Variants in TBXAS1 observed in about 807,000 individuals in gnomAD.
TBXAS1 encodes thromboxane A synthase 1, also known as thromboxane-A synthase.
TBXAS1 carries 48 observed loss-of-function variants against 60.7 expected under a neutral mutation model. The ratio of observed to expected loss-of-function variants is 0.79; its 90% confidence interval spans 0.63 to 1.01. The LOEUF (loss-of-function observed/expected upper bound fraction) is 1.01, where lower values mean the gene tolerates loss of function less well. Ranked by LOEUF, TBXAS1 falls within the 50% of genes least tolerant of loss-of-function variation. TBXAS1 has a pLI of 0.00. For synonymous variants in TBXAS1, 287 were observed against 269.7 expected (o/e 1.06, Z -0.63); for missense variants, 685 against 686.3 (o/e 1.00, Z 0.02).
At chr7:139,920,379 C>T (rs1569513791) in intron 4 of TBXAS1, among the ~76,000 whole-genome samples, 1 of 152,194 alleles carries the variant, frequency 6.6e-6, no homozygotes, top group Non-Finnish European at 1.5e-5. Context: ...TCACCTTCTC[C>T]TTCCTGCCTC....
At chr7:139,823,284 G>A (rs1295534894) in intron 4 of TBXAS1, among the ~76,000 whole-genome samples, 4 of 152,018 alleles carry the variant, frequency 2.6e-5, no homozygotes. Flanking sequence ...CCTGGAAGGT[G>A]AGCTCCTTGT....
chr7:139,967,847 A>G (rs764255170), intron 9 of TBXAS1, among the ~76,000 whole-genome samples: 4 of 152,120 alleles, frequency 2.6e-5, no homozygotes, highest in African/African-American at 4.8e-5. Flanking sequence ...CCACCTCTCA[A>G]TTTCCTGTTA....
rs191865334 is a variant in TBXAS1, at chr7:139,997,565, C to G, written c.1135-9526C>G. On this transcript the variant is annotated intron_variant, in intron 9 of 12. Coordinates refer to ENST00000448866, the MANE Select transcript of TBXAS1 (RefSeq NM_001061.7). ...ATTTGTTCCTATTTCCCCCTCCCCCCACTATACACACACACTATATGAATA... is the reference window on the plus strand; with the variant it reads ...ATTTGTTCCTATTTCCCCCTCCCCCGACTATACACACACACTATATGAATA... 1.3e-3 allele frequency among the ~76,000 whole-genome samples: 191 copies of G among 152,180 alleles called. 3 individuals are homozygous for G. The Middle Eastern group carries it at 0.02, about 16-fold the overall frequency.
chr7:139,890,372 C>T (rs1488374049), intron 3 of TBXAS1, among the ~76,000 whole-genome samples: 3 of 151,780 alleles, frequency 2.0e-5, no homozygotes, highest in Non-Finnish European at 2.9e-5. Context: ...CCCGCCACTG[C>T]GCCCGGCTAA....
chr7:139,812,932 C>A (rs942628696), intron 4 of TBXAS1, among the ~76,000 whole-genome samples: 2 of 152,014 alleles, frequency 1.3e-5, no homozygotes, highest in African/African-American at 2.4e-5. Flanking sequence ...TGGTGGGTGC[C>A]TGTAATCCCA....
At chr7:139,811,023 C>T (rs1328999687) in intron 4 of TBXAS1, among the ~76,000 whole-genome samples, 1 of 152,166 alleles carries the variant, frequency 6.6e-6, no homozygotes, top group Non-Finnish European at 1.5e-5. Context: ...AGGTCTTATT[C>T]TATCCATACA....
At chr7:139,784,932 A>C (rs922551252) in intron 3 of TBXAS1, among the ~76,000 whole-genome samples, 1 of 152,140 alleles carries the variant, frequency 6.6e-6, no homozygotes, top group Non-Finnish European at 1.5e-5. Context: ...GAGAGGTTAC[A>C]TGGCAGCATT....
rs1333776444 is a variant in TBXAS1, at chr7:139,953,444, T to G, written c.527T>G (p.Phe176Cys). Reference sequence around the variant, plus strand: ...CGCTATGCGGAATCTGGGGACGCATTTGACATCCAGAGGTAAGGCTGCTGC... The same window carrying G: ...CGCTATGCGGAATCTGGGGACGCATGTGACATCCAGAGGTAAGGCTGCTGC... ...LKRYAESGDA[F>C]DIQRCYCNYT... The change falls in exon 6 of 13, where the codon TTT becomes TGT. Residue 176 changes from phenylalanine to cysteine, a missense_variant. Physicochemically the swap from Phe to Cys is radical, Grantham distance 205. Transcript: ENST00000448866. 6 of 1,614,190 alleles carry G rather than the reference T, an allele frequency of 3.7e-6. No individual in the cohort carries two copies. Among genetic ancestry groups the G allele is most frequent in the Non-Finnish European group, 5.1e-6 (6 of 1,180,012 alleles).
intron 8 of TBXAS1, among the ~76,000 whole-genome samples, chr7:139,961,186 G>C (rs763944464): frequency 3.9e-4 from 59 of 152,266 alleles, no homozygotes; most frequent in Non-Finnish European, 6.9e-4. Context: ...TGAAGGCTAG[G>C]GGATGAAGAA....
At chr7:139,881,462 C>CCA (rs1802693468) in intron 3 of TBXAS1, among the ~76,000 whole-genome samples, 3 of 152,054 alleles carry the variant, frequency 2.0e-5, no homozygotes, top group African/African-American at 7.2e-5. Flanking sequence ...TTTTCCCCCC[C>CCA]TCCAGGAGGG....
chr7:139,993,895 T>TC (rs1396689242), intron 9 of TBXAS1, among the ~76,000 whole-genome samples: 1 of 138,338 alleles, frequency 7.2e-6, no homozygotes, highest in Non-Finnish European at 1.6e-5. Flanking sequence ...TTTCTTTCTT[T>TC]TTTTTTTTTT....
intron 4 of TBXAS1, among the ~76,000 whole-genome samples, chr7:139,921,062 A>C (rs1806430122): frequency 6.6e-6 from 1 of 152,218 alleles, no homozygotes; most frequent in African/African-American, 2.4e-5. Context: ...AGTCTGTCGA[A>C]ATTAAATGTT....
chr7:139,813,020 G>A lies in TBXAS1; in HGVS notation c.-79-16292G>A, dbSNP rs576599003. Among the ~76,000 whole-genome samples, 474 of 151,566 alleles carry A rather than the reference G, an allele frequency of 3.1e-3. 3 individuals are homozygous for A. Among genetic ancestry groups the A allele is most frequent in the African/African-American group, 0.01 (421 of 41,222 alleles). ...TGCAGTGAGCCAAGACCATGCCACT[G>A]CACTCCAGCCTGGACAACAGAGCAA... On this transcript the variant is annotated intron_variant, in intron 4 of 16. Coordinates refer to the TBXAS1 transcript ENST00000336425.
chr7:139,898,203 C>T (rs1804259073), intron 3 of TBXAS1, among the ~76,000 whole-genome samples: 1 of 152,202 alleles, frequency 6.6e-6, no homozygotes, highest in Admixed American at 6.5e-5. Flanking sequence ...CCTCACTGAG[C>T]CTCCTGCCGC....
rs561414062 is a variant in TBXAS1 at position 139,879,584 on chromosome 7, TA to T, written c.236+3948del. 9.7e-4 allele frequency among the ~76,000 whole-genome samples: 147 copies of T among 152,248 alleles called. 1 individual carries two copies. The highest frequency in any genetic ancestry group is 3.3e-3 in the African/African-American group (136 of 41,542). On this transcript the variant is annotated intron_variant, in intron 3 of 12. Coordinates refer to ENST00000448866, the MANE Select transcript of TBXAS1 (RefSeq NM_001061.7). ...TTATCGTCATACATTGGTGATTGAA[TA>T]TGGTTTATATTCAATATATACCAAT...
At position 139,994,524 on chromosome 7, in the gene TBXAS1, T is replaced by A. The variant is rs3801149; in HGVS notation, c.1135-12567T>A. ...ATCCTTGGGCAAAGGAGGCTTTTTT[T>A]TTAAGCTTGGGCCTAGCCCTCCCCA... is the stretch of plus-strand genomic sequence containing the variant. On this transcript the variant is annotated intron_variant, in intron 9 of 12. Coordinates refer to ENST00000448866, the MANE Select transcript of TBXAS1 (RefSeq NM_001061.7). Among the ~76,000 whole-genome samples, 8 of 152,290 alleles carry A rather than the reference T, an allele frequency of 5.3e-5. No individual in the cohort carries two copies. The East Asian group carries it at 1.5e-3, about 29-fold the overall frequency.
chr7:139,972,863 C>T (rs1420857504), intron 9 of TBXAS1, among the ~76,000 whole-genome samples: 1 of 152,088 alleles, frequency 6.6e-6, no homozygotes, highest in Non-Finnish European at 1.5e-5. Flanking sequence ...GTGCCTGGCA[C>T]GTGAGAAATA....
chr7:139,859,261 C>T (rs576775086), intron 1 of TBXAS1, among the ~76,000 whole-genome samples: 1 of 144,482 alleles, frequency 6.9e-6, no homozygotes, highest in African/African-American at 2.6e-5. Flanking sequence ...GGCTGGAGTG[C>T]AGTGGCATGA....
intron 1 of TBXAS1, among the ~76,000 whole-genome samples, chr7:139,833,213 A>C (rs1465157085): frequency 2.0e-5 from 3 of 152,212 alleles, no homozygotes; most frequent in Non-Finnish European, 2.9e-5. Flanking sequence ...AATGGATAAG[A>C]ACTCACCAAC....
Sources: gnomAD v4.1 joint callset for allele counts (sites outside exome capture counted in the v4.1 genomes callset) on GRCh38, gnomAD v4.1.1 for gene constraint, MANE v1.5 for transcripts, NCBI Gene and HGNC (gene_info 2026-07-23, HGNC 2026-07-21) for gene names.